The following TMEM63C variants were observed in gnomAD, a reference collection of about 807,000 sequenced individuals.
TMEM63C encodes the protein transmembrane protein 63C, also known as osmosensitive cation channel TMEM63C.
Under a neutral mutation model 99.2 loss-of-function variants are expected in TMEM63C, and 32 were observed. That is an observed-to-expected ratio of 0.32 (90% CI 0.24 to 0.43). The LOEUF (loss-of-function observed/expected upper bound fraction) is 0.43, where lower values mean the gene tolerates loss of function less well. Among genes scored for constraint, TMEM63C ranks in the 20% least tolerant of loss-of-function variants. The pLI is 1.00. For missense variants in TMEM63C, 826 were observed against 1,053.0 expected (o/e 0.78, Z 2.98); for synonymous variants, 376 against 397.9 (o/e 0.94, Z 0.66).
intron 5 of TMEM63C, 118 bp downstream of exon 5, chr14:77,220,205 A>G: frequency 1.1e-6 from 1 of 949,414 alleles, no homozygotes; most frequent in South Asian, 1.5e-5. Context: ...AGCCTCAACC[A>G]CTCTGGCAGT....
intron 1 of TMEM63C, among the ~76,000 whole-genome samples, chr14:77,182,744 C>T (rs1887935668): frequency 6.6e-6 from 1 of 152,120 alleles, no homozygotes; most frequent in Non-Finnish European, 1.5e-5. Flanking sequence ...ATTAGATTGT[C>T]TGGGGACAGG....
chr14:77,239,530 G>A, intron 11 of TMEM63C, 38 bp downstream of exon 11: 1 of 1,612,414 alleles, frequency 6.2e-7, no homozygotes, highest in Non-Finnish European at 8.5e-7. Flanking sequence ...CCCGGGGTGG[G>A]GGTAAAAGGG....
In TMEM63C at chr14:77,249,283, T is replaced by G. The variant is rs927659193; in HGVS notation, c.1871-8T>G. 11 of 1,613,500 alleles carry G rather than the reference T, an allele frequency of 6.8e-6. No homozygotes were observed. Among genetic ancestry groups the G allele is most frequent in the Non-Finnish European group, 9.3e-6 (11 of 1,179,532 alleles). On this transcript the variant is annotated splice_region_variant and splice_polypyrimidine_tract_variant and intron_variant, in intron 20 of 23. Coordinates refer to ENST00000298351, the MANE Select transcript of TMEM63C (RefSeq NM_020431.4). ...GCCACTGAGTAAGTTTCCACCTTTG[T>G]CCCCCAGGGTTGCTCTACCTGTGCA...
chr14:77,188,585 T>G (rs11629219), intron 1 of TMEM63C, among the ~76,000 whole-genome samples: 20,374 of 152,202 alleles, frequency 0.13, 1,591 homozygotes, highest in African/African-American at 0.22. Flanking sequence ...AAAAGAGGTC[T>G]TGGCTGGACT....
intron 4 of TMEM63C, 98 bp downstream of exon 4, chr14:77,219,675 G>C (rs577487268): frequency 7.6e-7 from 1 of 1,316,498 alleles, no homozygotes; most frequent in Non-Finnish European, 1.1e-6. Flanking sequence ...GCTGCAGCAG[G>C]TGTCTCGCCA....
chr14:77,202,406 C>G (rs1888313803), intron 1 of TMEM63C, among the ~76,000 whole-genome samples: 1 of 152,100 alleles, frequency 6.6e-6, no homozygotes, highest in Non-Finnish European at 1.5e-5. Context: ...TTACCACAAA[C>G]TGTGTGGTTC....
intron 22 of TMEM63C, among the ~76,000 whole-genome samples, chr14:77,252,664 A>G (rs922603177): frequency 1.3e-5 from 2 of 152,266 alleles, no homozygotes; most frequent in African/African-American, 4.8e-5. Flanking sequence ...TATAAAGAAA[A>G]GAAAGCTGAT....
chr14:77,186,801 C>CTGTGTGTGTGTGTGTGTCTGTGTG (rs1888005523), intron 1 of TMEM63C, among the ~76,000 whole-genome samples: 1 of 146,372 alleles, frequency 6.8e-6, no homozygotes, highest in African/African-American at 2.6e-5. Flanking sequence ...GTGTGTGTGT[C>CTGTGTGTGTGTGTGTGTCTGTGTG]TGTGTGTGTG....
intron 1 of TMEM63C, among the ~76,000 whole-genome samples, chr14:77,184,688 C>T (rs1396849396): frequency 1.3e-5 from 2 of 152,190 alleles, no homozygotes; most frequent in Non-Finnish European, 2.9e-5. Flanking sequence ...CCAATGCTCA[C>T]TCTTCTTTCC....
At chr14:77,251,950 C>A in intron 22 of TMEM63C, 52 bp downstream of exon 22, 4 of 1,400,308 alleles carry the variant, frequency 2.9e-6, no homozygotes, top group Non-Finnish European at 2.0e-6. Flanking sequence ...CTGGGGGACA[C>A]AGCTGTAGGA....
At chr14:77,210,789 A>G (rs2140103079) in intron 1 of TMEM63C, among the ~76,000 whole-genome samples, 1 of 152,298 alleles carries the variant, frequency 6.6e-6, no homozygotes, top group Non-Finnish European at 1.5e-5. Context: ...GTTGTTAACA[A>G]AAAGATGATT....
intron 1 of TMEM63C, among the ~76,000 whole-genome samples, chr14:77,198,517 C>T (rs1191414316): frequency 6.6e-6 from 1 of 152,188 alleles, no homozygotes; most frequent in Non-Finnish European, 1.5e-5. Flanking sequence ...GAGCAAAATG[C>T]CCAGAGCCAC....
Position 77,257,000 on chromosome 14 carries a change from G to A in TMEM63C, c.*274G>A. ...CTTGAGAGAGGTGGCTGGAGCCCCG[G>A]CACAGAGACTGAACGCTGGGGTCCC... On this transcript the variant is annotated 3_prime_UTR_variant, in exon 24 of 24. Coordinates refer to ENST00000298351, the MANE Select transcript of TMEM63C (RefSeq NM_020431.4). 2.3e-6 allele frequency: 1 copy of A among 429,484 alleles called. No homozygotes were observed. The highest frequency in any genetic ancestry group is 4.2e-6 in the Non-Finnish European group (1 of 238,048). The allele number at this position is 429,484 out of a possible 1,614,324, so 26.6% of individuals were successfully genotyped here. A position where few individuals can be genotyped will look rare whatever the true frequency, so the allele number is the denominator to read the frequency against.
intron 1 of TMEM63C, among the ~76,000 whole-genome samples, chr14:77,186,249 G>A (rs896727476): frequency 6.6e-6 from 1 of 152,092 alleles, no homozygotes; most frequent in Admixed American, 6.5e-5. Context: ...CTGACCTCAG[G>A]TGATCCACTC....
At chr14:77,183,964 G>A (rs969930802) in intron 1 of TMEM63C, among the ~76,000 whole-genome samples, 1 of 152,224 alleles carries the variant, frequency 6.6e-6, no homozygotes, top group African/African-American at 2.4e-5. Context: ...GTGAGAACCA[G>A]ACTTAAAGAG....
rs752110836 is a variant in TMEM63C, at chr14:77,253,373, C to G, written c.2217C>G (p.Ser739=). ...EPSSTSSTPT[S]LLYVATVLQE... ...GCAGCACCTCCTCCACGCCCACCTC[C>G]CTCGTGAGTCCTGAGTCCCAGGGAC... Residue 739 remains serine (S), a synonymous_variant, in exon 23 of 24, where the codon TCC becomes TCG. Transcript: ENST00000298351. The G allele has an allele frequency of 6.2e-6, 10 of 1,609,444 alleles. No individual in the cohort carries two copies. Among genetic ancestry groups the G allele is most frequent in the Admixed American group, 1.7e-5 (1 of 59,496 alleles).
At chr14:77,210,221 A>G (rs1461440438) in intron 1 of TMEM63C, among the ~76,000 whole-genome samples, 3 of 152,174 alleles carry the variant, frequency 2.0e-5, no homozygotes, top group Non-Finnish European at 4.4e-5. Flanking sequence ...CTGGGGTGGA[A>G]CATGAGTATC....
At chr14:77,248,665 T>TGCCTCCA in intron 19 of TMEM63C, 102 bp from the exon 20 acceptor site, 3 of 1,495,574 alleles carry the variant, frequency 2.0e-6, no homozygotes, top group Non-Finnish European at 2.8e-6. Context: ...GAAAGGAGGC[T>TGCCTCCA]GCCTCCAGGC....
At chr14:77,193,311 G>A (rs979427726) in intron 1 of TMEM63C, among the ~76,000 whole-genome samples, 1 of 152,214 alleles carries the variant, frequency 6.6e-6, no homozygotes, top group Non-Finnish European at 1.5e-5. Flanking sequence ...CACCCTCATT[G>A]GAGGACAATT....
Sources: gnomAD v4.1 joint callset for allele counts (sites outside exome capture counted in the v4.1 genomes callset) on GRCh38, gnomAD v4.1.1 for gene constraint, MANE v1.5 for transcripts, NCBI Gene and HGNC (gene_info 2026-07-23, HGNC 2026-07-21) for gene names.